Variants in EP300 observed in about 807,000 individuals in gnomAD.
EP300 encodes EP300 lysine acetyltransferase.
In EP300, 31 loss-of-function variants were observed where a neutral mutation model predicts 264.0. The observed-to-expected ratio is 0.12, with a 90% CI of 0.09 to 0.16. EP300 has a LOEUF of 0.16. Ranked by LOEUF, EP300 falls within the 10% of genes least tolerant of loss-of-function variation. The pLI is 1.00. For synonymous variants in EP300, 1,340 were observed against 1,045.4 expected, an observed-to-expected ratio of 1.28 and a Z score of -5.44; for missense variants, 2,766 against 3,052.9, an observed-to-expected ratio of 0.91 and a Z score of 2.21.
chr22:41,161,884 C>T (rs1170220313), intron 20 of EP300, among the ~76,000 whole-genome samples: 1 of 152,174 alleles, frequency 6.6e-6, no homozygotes, highest in East Asian at 1.9e-4. Context: ...AGAGTAGATA[C>T]TAGGAGCCTT....
At chr22:41,130,610 ACTT>A (rs1205315536) in intron 5 of EP300, among the ~76,000 whole-genome samples, 2 of 152,124 alleles carry the variant, frequency 1.3e-5, no homozygotes, top group African/African-American at 4.8e-5. Context: ...AACTCTCAAT[ACTT>A]ATTATTTATA....
At position 41,137,708 on chromosome 22, in the gene EP300, G is replaced by A. The variant is rs1433822758; in HGVS notation, c.1678G>A (p.Ala560Thr). 1.9e-6 allele frequency: 3 copies of A among 1,614,182 alleles called. No homozygotes were observed. Among genetic ancestry groups the A allele is most frequent in the South Asian group, 2.2e-5 (2 of 91,082 alleles). Residue 560 changes from alanine to threonine, a missense_variant, in exon 8 of 31, where the codon GCT (alanine) becomes ACT (threonine). Coordinates refer to ENST00000263253, the MANE Select transcript of EP300 (RefSeq NM_001429.4). ...VPSLGPMPTA[A>T]QPSTTGIRKQ... Reference sequence around the variant, plus strand: ...CTCCCTGGGTCCTATGCCAACAGCAGCTCAACCATCCACTACTGGAATTCG... The same window carrying A: ...CTCCCTGGGTCCTATGCCAACAGCAACTCAACCATCCACTACTGGAATTCG...
chr22:41,163,389 C>G (rs1225125175), intron 21 of EP300, among the ~76,000 whole-genome samples: 1 of 137,314 alleles, frequency 7.3e-6, no homozygotes, highest in African/African-American at 2.8e-5. Context: ...GAGCCGAGAT[C>G]CCGCCACTGC....
In EP300 at chr22:41,149,093, C is replaced by T. The variant is rs760686401; in HGVS notation, c.2297C>T (p.Pro766Leu). ...CCTTCCAACCAGGGCCAGTTCCTTC[C>T]TCAGACTCAGTTCCCATCACAGGGA... ...QQPSNQGQFL[P>L]QTQFPSQGMN... is the part of the protein sequence containing the mutation. Residue 766 changes from proline (P) to leucine (L), a missense_variant, in exon 13 of 31, where the codon CCT (proline) becomes CTT (leucine). By Grantham distance (98) the Pro-to-Leu change is moderately conservative. Transcript: ENST00000263253. 1 of 1,613,886 alleles carries T rather than the reference C, an allele frequency of 6.2e-7. No homozygotes were observed. Among genetic ancestry groups the T allele is most frequent in the East Asian group, 2.2e-5 (1 of 44,884 alleles).
chr22:41,121,569 A>C (rs1447886171), intron 2 of EP300, among the ~76,000 whole-genome samples: 2 of 152,160 alleles, frequency 1.3e-5, no homozygotes, highest in African/African-American at 4.8e-5. Flanking sequence ...ATCAGCAATC[A>C]GTGTAGTCTG....
rs886057558 is a variant in EP300, at chr22:41,146,829, A to T, written c.2131+13A>T. 1 of 1,612,498 alleles carries T rather than the reference A, an allele frequency of 6.2e-7. No homozygotes were observed. Among genetic ancestry groups the T allele is most frequent in the South Asian group, 1.1e-5 (1 of 90,970 alleles). ...ACTCCACAATCTGGTAAATAGTGAA[A>T]AAAATTTTTTTATTTTAAAAGAATC... is the stretch of plus-strand genomic sequence containing the variant. On this transcript the variant is annotated intron_variant, in intron 11 of 30. Transcript: ENST00000263253.
chr22:41,157,796 C>G (rs1018348231), intron 18 of EP300, among the ~76,000 whole-genome samples: 1 of 152,192 alleles, frequency 6.6e-6, no homozygotes, highest in Non-Finnish European at 1.5e-5. Flanking sequence ...GCTGGAATTA[C>G]AGTCATGAGC....
intron 2 of EP300, among the ~76,000 whole-genome samples, chr22:41,121,215 C>G (rs2058850513): frequency 1.3e-5 from 2 of 152,160 alleles, no homozygotes; most frequent in South Asian, 2.1e-4. Flanking sequence ...TTGTAGCTGC[C>G]TAGAACTTTG....
At chr22:41,163,269 A>C (rs2145755410) in intron 21 of EP300, among the ~76,000 whole-genome samples, 1 of 150,168 alleles carries the variant, frequency 6.7e-6, no homozygotes, top group South Asian at 2.1e-4. Flanking sequence ...CCCCGTCTCT[A>C]CTAAAAATAC....
intron 1 of EP300, among the ~76,000 whole-genome samples, chr22:41,108,930 G>A (rs1385939500): frequency 6.6e-6 from 1 of 152,096 alleles, no homozygotes; most frequent in African/African-American, 2.4e-5. Flanking sequence ...AATATAAAGG[G>A]GGCAAAAGTA....
At chr22:41,164,021 G>A (rs762409014) in intron 21 of EP300, 32 bp from the exon 22 acceptor site, 90 of 1,602,886 alleles carry the variant, frequency 5.6e-5, no homozygotes, top group Non-Finnish European at 7.3e-5. Context: ...TAAGGTTTGG[G>A]GTTAATTTTG....
At chr22:41,167,584 G>GTGTGTGTATATATA (rs869093144) in intron 23 of EP300, among the ~76,000 whole-genome samples, 1 of 34,508 alleles carries the variant, frequency 2.9e-5, no homozygotes, top group Non-Finnish European at 4.8e-5. Flanking sequence ...GTGTGTGTGT[G>GTGTGTGTATATATA]TATATATATA....
intron 23 of EP300, among the ~76,000 whole-genome samples, chr22:41,167,053 A>G (rs898008574): frequency 6.6e-6 from 1 of 152,224 alleles, no homozygotes; most frequent in Non-Finnish European, 1.5e-5. Flanking sequence ...TGCACAGTGC[A>G]GTGGCACGAT....
At chr22:41,163,958 C>T (rs2059121658) in intron 21 of EP300, 95 bp from the exon 22 acceptor site, 1 of 1,115,852 alleles carries the variant, frequency 9.0e-7, no homozygotes, top group Non-Finnish European at 1.4e-6. Context: ...TTGGTCATGA[C>T]CTTGGCTGTC....
At chr22:41,093,519 C>G (rs1423602840) in intron 1 of EP300, among the ~76,000 whole-genome samples, 1 of 152,154 alleles carries the variant, frequency 6.6e-6, no homozygotes, top group Non-Finnish European at 1.5e-5. Context: ...ACTTTCCACT[C>G]TTCGAAATTT....
chr22:41,161,879 A>G (rs930627535), intron 20 of EP300, among the ~76,000 whole-genome samples: 1 of 152,210 alleles, frequency 6.6e-6, no homozygotes, highest in Non-Finnish European at 1.5e-5. Flanking sequence ...CTAGGAGAGT[A>G]GATACTAGGA....
At chr22:41,120,825 C>T (rs2058848235) in intron 2 of EP300, among the ~76,000 whole-genome samples, 1 of 152,190 alleles carries the variant, frequency 6.6e-6, no homozygotes, top group Non-Finnish European at 1.5e-5. Flanking sequence ...CTTACGCGAT[C>T]CTCCTACCTC....
At chr22:41,110,617 A>C (rs2058784591) in intron 1 of EP300, among the ~76,000 whole-genome samples, 1 of 151,998 alleles carries the variant, frequency 6.6e-6, no homozygotes, top group African/African-American at 2.4e-5. Context: ...CTAATTTTTA[A>C]AAATAATATT....
chr22:41,106,576 T>G (rs1193650763), intron 1 of EP300, among the ~76,000 whole-genome samples: 1 of 152,146 alleles, frequency 6.6e-6, no homozygotes, highest in African/African-American at 2.4e-5. Flanking sequence ...ACTCAACCAC[T>G]GGGTTAGATG....
Sources: gnomAD v4.1 joint callset for allele counts (sites outside exome capture counted in the v4.1 genomes callset) on GRCh38, gnomAD v4.1.1 for gene constraint, MANE v1.5 for transcripts, NCBI Gene and HGNC (gene_info 2026-07-23, HGNC 2026-07-21) for gene names.